TBX15: variants seen among roughly 807,000 people sequenced by gnomAD.
TBX15 encodes T-box transcription factor 15, also known as T-box transcription factor TBX15.
In TBX15, 18 loss-of-function variants were observed where a neutral mutation model predicts 53.9. That is an observed-to-expected ratio of 0.33 (90% CI 0.23 to 0.49). The LOEUF is 0.49. Ranked by LOEUF, TBX15 falls within the 20% of genes least tolerant of loss-of-function variation. The pLI is 0.98. For missense variants in TBX15, 692 were observed against 749.5 expected (o/e 0.92, Z 0.90); for synonymous variants, 295 against 278.0 (o/e 1.06, Z -0.61).
At chr1:118,908,181 G>C (rs916192435) in intron 6 of TBX15, among the ~76,000 whole-genome samples, 1 of 152,044 alleles carries the variant, frequency 6.6e-6, no homozygotes, top group Non-Finnish European at 1.5e-5. Flanking sequence ...TAGAGCTCCT[G>C]ATTTTTAATT....
chr1:118,904,917 C>T (rs1654761416), intron 6 of TBX15, among the ~76,000 whole-genome samples: 1 of 152,158 alleles, frequency 6.6e-6, no homozygotes, highest in Admixed American at 6.5e-5. Flanking sequence ...TATATAACCT[C>T]TTCATTTCTA....
chr1:118,989,065 C>T (rs376708278), upstream of TBX15, among the ~76,000 whole-genome samples: 644 of 152,356 alleles, frequency 4.2e-3, 34 homozygotes, highest in South Asian at 0.13. Flanking sequence ...CGCAAATACT[C>T]TCTTTCCCTA....
At chr1:118,989,126 G>C (rs1237300169), upstream of TBX15, among the ~76,000 whole-genome samples, 1 of 152,192 alleles carries the variant, frequency 6.6e-6, no homozygotes, top group Non-Finnish European at 1.5e-5. Flanking sequence ...TTGTTGCAGA[G>C]AACCTATGGA....
chr1:118,923,425 C>T lies in TBX15; in HGVS notation c.861+11G>A, dbSNP rs776689812. The T allele has an allele frequency of 1.9e-6, 3 of 1,613,712 alleles. No individual in the cohort carries two copies. The highest frequency in any genetic ancestry group is 2.2e-5 in the South Asian group (2 of 91,062). The stretch of plus-strand genomic sequence containing the variant: ...AGATGTAGCAGAAGACTCTCAAGGG[C>T]CACCTCTTACCTGCTGATTCTGATA... On this transcript the variant is annotated intron_variant, in intron 5 of 7. Transcript: ENST00000369429.
At chr1:118,904,161 G>A (rs539437596) in intron 6 of TBX15, among the ~76,000 whole-genome samples, 3 of 152,122 alleles carry the variant, frequency 2.0e-5, no homozygotes, top group African/African-American at 2.4e-5. Flanking sequence ...TCCATGACAG[G>A]TGCTTAGATT....
In TBX15 at chr1:118,967,694, C is replaced by A. The variant is rs376861862; in HGVS notation, c.205+19897G>T. On this transcript the variant is annotated intron_variant, in intron 1 of 7. Transcript: ENST00000369429. ...GTTTTATTCGATTTGGTGTTTCATT[C>A]AGGTCTAAATATCATCCTAAGAGTT... Among the ~76,000 whole-genome samples, 3 of 152,316 alleles carry A rather than the reference C, an allele frequency of 2.0e-5. No homozygotes were observed. In the East Asian group the frequency reaches 5.8e-4, roughly 29 times the overall value.
In TBX15 at chr1:118,886,461, A is replaced by G. The variant is rs150232394; in HGVS notation, c.1025-945T>C. 5.9e-5 allele frequency among the ~76,000 whole-genome samples: 9 copies of G among 152,256 alleles called. No individual in the cohort carries two copies. The East Asian group carries it at 1.2e-3, about 20-fold the overall frequency. Reference sequence around the variant, plus strand: ...ATCTAGAGATGAGGAATTAACTTAGATCAGCGGTTCTCAGGCATAGAGGAC... The same window carrying G: ...ATCTAGAGATGAGGAATTAACTTAGGTCAGCGGTTCTCAGGCATAGAGGAC... On this transcript the variant is annotated intron_variant, in intron 7 of 7. Transcript: ENST00000369429.
chr1:118,924,942 T>C, intron 3 of TBX15, 125 bp from the exon 4 acceptor site: 2 of 1,035,694 alleles, frequency 1.9e-6, no homozygotes, highest in Non-Finnish European at 3.0e-6. Context: ...GGAGAAGTAA[T>C]GGGAAAGAAA....
chr1:118,944,466 T>C (rs1656282113), intron 1 of TBX15, among the ~76,000 whole-genome samples: 1 of 152,216 alleles, frequency 6.6e-6, no homozygotes, highest in African/African-American at 2.4e-5. Context: ...GGCTCTATTT[T>C]TCCCCAGGCC....
At chr1:118,916,737 G>A (rs187895272) in intron 5 of TBX15, among the ~76,000 whole-genome samples, 2 of 151,950 alleles carry the variant, frequency 1.3e-5, no homozygotes, top group Non-Finnish European at 2.9e-5. Context: ...ATGGTGGTGT[G>A]CACCTGTAGT....
At position 118,987,624 on chromosome 1, in the gene TBX15, C is replaced by T. The variant is rs1301905966; in HGVS notation, c.172G>A (p.Asp58Asn). 29 of 1,549,636 alleles carry T rather than the reference C, an allele frequency of 1.9e-5. No homozygotes were observed. Among genetic ancestry groups the T allele is most frequent in the Admixed American group, 5.9e-5 (3 of 51,010 alleles). Residue 58 changes from aspartate to asparagine, a missense_variant, in exon 1 of 8, where the codon GAC becomes AAC. By Grantham distance (23) the Asp-to-Asn change is conservative (BLOSUM62 1). Transcript: ENST00000369429. ...SPAGPLGDTE[D>N]AAAHGLEPHP... ...GGCTCCAGGCCGTGTGCCGCCGCGTCCTCCGTGTCTCCGAGTGGGCCCGCG... is the reference window on the plus strand; with the variant it reads ...GGCTCCAGGCCGTGTGCCGCCGCGTTCTCCGTGTCTCCGAGTGGGCCCGCG...
At chr1:118,966,634 A>G (rs1362038011) in intron 1 of TBX15, among the ~76,000 whole-genome samples, 1 of 152,210 alleles carries the variant, frequency 6.6e-6, no homozygotes, top group Non-Finnish European at 1.5e-5. Flanking sequence ...AGGAAGGTAT[A>G]TTGAGGCTGG....
chr1:118,913,072 A>AT (rs1461523517), intron 6 of TBX15, among the ~76,000 whole-genome samples: 1 of 152,166 alleles, frequency 6.6e-6, no homozygotes, highest in African/African-American at 2.4e-5. Context: ...GCCATAACTG[A>AT]TTTTTAGCAT....
Position 118,932,157 on chromosome 1 carries a change from C to T in TBX15, c.206-325G>A, listed in dbSNP as rs148772820. On this transcript the variant is annotated intron_variant, in intron 1 of 7. Coordinates refer to ENST00000369429, the MANE Select transcript of TBX15 (RefSeq NM_001330677.2). Reference sequence around the variant, plus strand: ...TGTCACCATGTTGAAGAGAATGAGGCCAAACTGGGGCAACAAAATAAATGC... The same window carrying T: ...TGTCACCATGTTGAAGAGAATGAGGTCAAACTGGGGCAACAAAATAAATGC... Among the ~76,000 whole-genome samples, 34 of 152,096 alleles carry T rather than the reference C, an allele frequency of 2.2e-4. No individual in the cohort carries two copies. The East Asian group carries it at 5.4e-3, about 24-fold the overall frequency.
Position 118,962,461 on chromosome 1 carries a change from A to C in TBX15, c.205+25130T>G, listed in dbSNP as rs77401809. ...GTCTCTGTGGCCAAAAGCAACCAACAACACCCCCTTCTGTATTTAAATGAC... is the reference window on the plus strand; with the variant it reads ...GTCTCTGTGGCCAAAAGCAACCAACCACACCCCCTTCTGTATTTAAATGAC... On this transcript the variant is annotated intron_variant, in intron 1 of 7. Transcript: ENST00000369429. 2.5e-3 allele frequency among the ~76,000 whole-genome samples: 376 copies of C among 152,222 alleles called. 2 individuals carry two copies. Among genetic ancestry groups the C allele is most frequent in the African/African-American group, 8.6e-3 (356 of 41,536 alleles).
Position 118,939,407 on chromosome 1 carries a change from C to CAAAAAAAAAAAAAAAAAAA in TBX15, c.206-7594_206-7576dup, listed in dbSNP as rs869094141. 1.2e-3 allele frequency among the ~76,000 whole-genome samples: 11 copies of CAAAAAAAAAAAAAAAAAAA among 8,868 alleles called. 1 individual carries two copies. Among genetic ancestry groups the CAAAAAAAAAAAAAAAAAAA allele is most frequent in the East Asian group, 3.0e-3 (1 of 336 alleles). 5.8% of individuals were successfully genotyped at this position (8,868 alleles called of 152,430 possible). On this transcript the variant is annotated intron_variant, in intron 1 of 7. Coordinates refer to ENST00000369429, the MANE Select transcript of TBX15 (RefSeq NM_001330677.2). ...AGGGCAACAGAATGAGATCTAGTCTCAAAAAAAAAAAAAAAAAAAAAAAAA... is the reference window on the plus strand; with the variant it reads ...AGGGCAACAGAATGAGATCTAGTCTCAAAAAAAAAAAAAAAAAAAAAAAAAAAAAAAAAAAAAAAAAAAA...
At chr1:118,945,686 C>G (rs552168184) in intron 1 of TBX15, among the ~76,000 whole-genome samples, 61 of 152,288 alleles carry the variant, frequency 4.0e-4, no homozygotes, top group African/African-American at 1.5e-3. Flanking sequence ...TATTTTCCCC[C>G]CCTACTGTTC....
At chr1:118,955,761 A>G (rs1656669422) in intron 1 of TBX15, among the ~76,000 whole-genome samples, 1 of 152,180 alleles carries the variant, frequency 6.6e-6, no homozygotes, top group Admixed American at 6.5e-5. Context: ...GAATGCTTGT[A>G]TATGGAAATT....
intron 1 of TBX15, among the ~76,000 whole-genome samples, chr1:118,946,669 G>A (rs919930385): frequency 6.6e-6 from 1 of 152,098 alleles, no homozygotes; most frequent in Non-Finnish European, 1.5e-5. Flanking sequence ...GTTTCTCTAT[G>A]TAGTAATGAG....
Sources: allele counts gnomAD v4.1 joint callset (sites outside exome capture counted in the v4.1 genomes callset), GRCh38; gene constraint gnomAD v4.1.1; transcripts MANE v1.5; gene names NCBI Gene and HGNC (gene_info 2026-07-23, HGNC 2026-07-21).